PHIP: variants seen among roughly 807,000 people sequenced by gnomAD.
The protein encoded by PHIP is PH-interacting protein.
Under a neutral mutation model 236.8 loss-of-function variants are expected in PHIP, and 54 were observed. The observed-to-expected ratio is 0.23, with a 90% CI of 0.18 to 0.29. The LOEUF is 0.29. Among genes scored for constraint, PHIP ranks in the 10% least tolerant of loss-of-function variants. The pLI, the probability that PHIP is intolerant of heterozygous loss-of-function variation, is 1.00. For missense variants in PHIP, 1,370 were observed against 2,190.8 expected (o/e 0.63, Z 7.48); for synonymous variants, 756 against 718.9 (o/e 1.05, Z -0.83).
chr6:79,033,461 T>G (rs1771770318), intron 7 of PHIP, among the ~76,000 whole-genome samples: 2 of 152,240 alleles, frequency 1.3e-5, no homozygotes. Flanking sequence ...CGGCAACTAC[T>G]TCATTAGCAC....
At chr6:78,993,511 A>C (rs1769407810) in intron 19 of PHIP, among the ~76,000 whole-genome samples, 1 of 152,242 alleles carries the variant, frequency 6.6e-6, no homozygotes, top group South Asian at 2.1e-4. Flanking sequence ...AGTGACTTCA[A>C]GTTGAAGCTA....
At chr6:79,034,045 T>C (rs894304963) in intron 7 of PHIP, among the ~76,000 whole-genome samples, 1 of 152,074 alleles carries the variant, frequency 6.6e-6, no homozygotes, top group Non-Finnish European at 1.5e-5. Flanking sequence ...AGACTTACAA[T>C]AGGAACATCA....
intron 24 of PHIP, among the ~76,000 whole-genome samples, chr6:78,976,597 A>G (rs1264860708): frequency 1.4e-5 from 2 of 141,578 alleles, no homozygotes; most frequent in African/African-American, 5.2e-5. Context: ...CAACCTACAA[A>G]ATGGGAGAAA....
At position 78,934,837 on chromosome 6, in the gene PHIP, A is replaced by ATTAC. The variant is rs1773207075; in HGVS notation, c.*5855_*5856insGTAA. Among the ~76,000 whole-genome samples the ATTAC allele has an allele frequency of 6.6e-6, 1 of 152,190 alleles. No individual in the cohort carries two copies. Among genetic ancestry groups the ATTAC allele is most frequent in the South Asian group, 2.1e-4 (1 of 4,828 alleles). ...AATGAAGGTCAAATTCCCATTTCCC[A>ATTAC]ACTCCAGGCCAGTTCATTACACTGT... On this transcript the variant is annotated 3_prime_UTR_variant, in exon 40 of 40. Transcript: ENST00000275034.
At chr6:78,952,908 ATC>A (rs964346512) in intron 35 of PHIP, among the ~76,000 whole-genome samples, 5 of 150,172 alleles carry the variant, frequency 3.3e-5, no homozygotes, top group African/African-American at 9.8e-5. Context: ...AAGGAATGTC[ATC>A]TCTCTTTTTT....
intron 19 of PHIP, among the ~76,000 whole-genome samples, chr6:78,997,065 A>T (rs1769669705): frequency 6.6e-6 from 1 of 151,590 alleles, no homozygotes; most frequent in African/African-American, 2.4e-5. Flanking sequence ...TAAATCCATT[A>T]AAAAATTAAA....
intron 24 of PHIP, among the ~76,000 whole-genome samples, chr6:78,973,282 T>A (rs1484638484): frequency 6.6e-6 from 1 of 151,352 alleles, no homozygotes; most frequent in Non-Finnish European, 1.5e-5. Flanking sequence ...AAAGTAAGCT[T>A]CATAAGTGAA....
At chr6:78,980,710 CA>C (rs1369749477) in intron 23 of PHIP, among the ~76,000 whole-genome samples, 1 of 152,008 alleles carries the variant, frequency 6.6e-6, no homozygotes, top group Non-Finnish European at 1.5e-5. Context: ...AGAGATCCCA[CA>C]ACCCAGGAAC....
intron 9 of PHIP, among the ~76,000 whole-genome samples, chr6:79,019,518 C>T (rs769155504): frequency 7.9e-5 from 12 of 152,052 alleles, no homozygotes; most frequent in Admixed American, 1.3e-4. Flanking sequence ...AAGCTATTCG[C>T]AAACATGAAT....
At chr6:79,004,783 T>C (rs1397677076) in intron 15 of PHIP, among the ~76,000 whole-genome samples, 1 of 152,118 alleles carries the variant, frequency 6.6e-6, no homozygotes, top group South Asian at 2.1e-4. Context: ...CAGGAAATGC[T>C]TGGAAAAGAG....
At chr6:79,061,081 A>G (rs1320226594) in intron 4 of PHIP, among the ~76,000 whole-genome samples, 2 of 152,228 alleles carry the variant, frequency 1.3e-5, no homozygotes, top group Admixed American at 6.5e-5. Flanking sequence ...GCTGCTTTAA[A>G]TATCTTTCAA....
chr6:79,039,253 C>T (rs527745602), intron 7 of PHIP, among the ~76,000 whole-genome samples: 5 of 152,268 alleles, frequency 3.3e-5, no homozygotes, highest in African/African-American at 9.6e-5. Context: ...ACACCAATAT[C>T]GCTAGTTCTT....
In PHIP at chr6:78,940,514, A is replaced by G. The variant is rs1582069934; in HGVS notation, c.*179T>C. The G allele has an allele frequency of 7.2e-6, 1 of 138,938 alleles. No homozygotes were observed. Among genetic ancestry groups the G allele is most frequent in the African/African-American group, 3.4e-5 (1 of 29,078 alleles). The allele number at this position is 138,938 out of a possible 1,614,324, so 8.6% of individuals were successfully genotyped here. A position where few individuals can be genotyped will look rare whatever the true frequency, so the allele number is the denominator to read the frequency against. ...TATATATTTATATATATATATATAT[A>G]TTCATTTAAAGAAGTGAAGTGTCTC... On this transcript the variant is annotated 3_prime_UTR_variant, in exon 40 of 40. Transcript: ENST00000275034.
intron 4 of PHIP, among the ~76,000 whole-genome samples, chr6:79,073,269 T>C (rs918616575): frequency 6.6e-6 from 1 of 152,196 alleles, no homozygotes; most frequent in Non-Finnish European, 1.5e-5. Flanking sequence ...TCCTTCAGCC[T>C]CTCAGCAACA....
At chr6:78,989,539 G>C (rs1230779904) in intron 20 of PHIP, among the ~76,000 whole-genome samples, 1 of 152,048 alleles carries the variant, frequency 6.6e-6, no homozygotes, top group African/African-American at 2.4e-5. Flanking sequence ...AATTAAATTT[G>C]GGAAAAATAA....
chr6:79,060,426 A>T, intron 6 of PHIP, 52 bp downstream of exon 6: 1 of 1,265,336 alleles, frequency 7.9e-7, no homozygotes, highest in South Asian at 1.3e-5. Context: ...TTTCATTTTC[A>T]AAAGCTCTTT....
intron 15 of PHIP, among the ~76,000 whole-genome samples, chr6:79,009,416 C>T (rs561059242): frequency 5.9e-5 from 9 of 152,112 alleles, no homozygotes; most frequent in South Asian, 2.1e-4. Flanking sequence ...CTCAACAAAA[C>T]GTCTCCAATC....
At chr6:79,014,144 A>T (rs764765543) in intron 15 of PHIP, among the ~76,000 whole-genome samples, 44 of 151,118 alleles carry the variant, frequency 2.9e-4, no homozygotes, top group Non-Finnish European at 3.3e-4. Flanking sequence ...CTCACTAAAA[A>T]ATCTGCTATT....
At chr6:78,948,255 TAAA>T (rs1354984322) in intron 35 of PHIP, among the ~76,000 whole-genome samples, 1 of 152,134 alleles carries the variant, frequency 6.6e-6, no homozygotes, top group African/African-American at 2.4e-5. Context: ...ACTTCAGTAC[TAAA>T]ATTGGGAGTT....
Sources: gnomAD v4.1 joint callset for allele counts (sites outside exome capture counted in the v4.1 genomes callset) on GRCh38, gnomAD v4.1.1 for gene constraint, MANE v1.5 for transcripts, NCBI Gene and HGNC (gene_info 2026-07-23, HGNC 2026-07-21) for gene names.